Variants in CDHR2 observed in about 807,000 individuals in gnomAD.
CDHR2 encodes the protein cadherin-related family member 2.
Under a neutral mutation model 138.6 loss-of-function variants are expected in CDHR2, and 104 were observed. The observed-to-expected ratio is 0.75, with a 90% CI of 0.64 to 0.88. The LOEUF (loss-of-function observed/expected upper bound fraction) is 0.88. CDHR2 is among the 40% of genes least tolerant of loss of function. The probability of loss-of-function intolerance (pLI) is 0.00; values close to 1 mark genes in which losing one functional copy is unlikely to be tolerated. For missense variants in CDHR2, 1,624 were observed against 1,727.6 expected, an observed-to-expected ratio of 0.94 and a Z score of 1.06; for synonymous variants, 755 against 742.8, an observed-to-expected ratio of 1.02 and a Z score of -0.27.
intron 3 of CDHR2, among the ~76,000 whole-genome samples, chr5:176,566,315 T>C (rs1329807113): frequency 6.6e-6 from 1 of 152,150 alleles, no homozygotes; most frequent in Non-Finnish European, 1.5e-5. Context: ...GACATAGCAA[T>C]GGTCACGGCA....
intron 3 of CDHR2, among the ~76,000 whole-genome samples, chr5:176,568,274 G>A (rs568402528): frequency 2.0e-5 from 3 of 152,370 alleles, no homozygotes; most frequent in Admixed American, 6.5e-5. Context: ...ACTGGACACA[G>A]CTTTGGCTCA....
chr5:176,575,115 T>TC lies in CDHR2; in HGVS notation c.528dup (p.Phe177LeufsTer32). 2 of 1,614,188 alleles carry TC rather than the reference T, an allele frequency of 1.2e-6. No individual in the cohort carries two copies. The highest frequency in any genetic ancestry group is 8.5e-7 in the Non-Finnish European group (1 of 1,180,032). On this transcript the variant is annotated frameshift_variant, in exon 8 of 32. Coordinates refer to ENST00000261944, the MANE Select transcript of CDHR2 (RefSeq NM_017675.6). LOFTEE classifies it high-confidence loss of function. ...CCTAGCACTGGGGACAGCGAGCATC[T>TC]CTTCCGGATCCTGGCCAATGGCTCC...
In CDHR2 at chr5:176,584,615, G is replaced by C; in HGVS notation, c.2334G>C (p.Val778=). The change falls in exon 19 of 32, where the codon GTG becomes GTC. Residue 778 remains valine, a synonymous_variant. Transcript: ENST00000261944. ...YETQPVFNLT[V]SAENPDPQGG... is the part of the protein sequence containing the mutation. ...CACAGCCCGTCTTCAACTTGACAGT[G>C]AGTGCTGAGAACCCAGACCCCCAGG... The C allele has an allele frequency of 6.2e-7, 1 of 1,607,474 alleles. No individual in the cohort carries two copies. The highest frequency in any genetic ancestry group is 1.1e-5 in the South Asian group (1 of 90,664).
chr5:176,554,987 G>A (rs1427296618), intron 1 of CDHR2, among the ~76,000 whole-genome samples: 4 of 152,170 alleles, frequency 2.6e-5, no homozygotes, highest in African/African-American at 7.2e-5. Context: ...CGTAGTGCCC[G>A]GCTCAAGTTC....
intron 6 of CDHR2, 48 bp from the exon 7 acceptor site, chr5:176,574,035 G>T: frequency 7.1e-7 from 1 of 1,409,360 alleles, no homozygotes; most frequent in Non-Finnish European, 1.0e-6. Context: ...GGACAAGGGA[G>T]AGGAGGAGCT....
At chr5:176,547,942 C>T (rs1413210989), upstream of CDHR2, among the ~76,000 whole-genome samples, 3 of 152,160 alleles carry the variant, frequency 2.0e-5, no homozygotes, top group Non-Finnish European at 2.9e-5. Context: ...AACGGGGACA[C>T]CTTCTGGGAA....
Position 176,589,356 on chromosome 5 carries a change from T to C in CDHR2, c.3035T>C (p.Leu1012Pro). ...IQPVTSLDSTLQGTYQVTVQA... is the reference protein window; with the variant it reads ...IQPVTSLDSTPQGTYQVTVQA... ...CCGGTGACCAGCCTCGACTCCACTC[T>C]CCAAGGCACCTACCAAGTGACAGTC... Residue 1012 changes from leucine to proline, a missense_variant, in exon 23 of 32, where the codon CTC becomes CCC. Leu to Pro is a moderately conservative substitution (Grantham distance 98, BLOSUM62 -3). Around this residue, in one of 3 missense-constraint regions of CDHR2, gnomAD observed 556 missense variants for 565.7 expected, o/e 0.98. Transcript: ENST00000261944. 2 of 1,557,810 alleles carry C rather than the reference T, an allele frequency of 1.3e-6. No homozygotes were observed. Among genetic ancestry groups the C allele is most frequent in the Non-Finnish European group, 1.7e-6 (2 of 1,151,432 alleles).
upstream of CDHR2, chr5:176,547,678 GCAGCCTCCCAAGTAGCTGGGACTA>G (rs1192736994): frequency 6.6e-6 from 1 of 152,228 alleles, no homozygotes; most frequent in African/African-American, 2.4e-5. Context: ...TCCTACTGCT[GCAGCCTCCCAAGTAGCTGGGACTA>G]CAGGTGCACA....
At chr5:176,578,172 G>T in intron 15 of CDHR2, 77 bp downstream of exon 15, 1 of 1,411,412 alleles carries the variant, frequency 7.1e-7, no homozygotes, top group South Asian at 1.2e-5. Flanking sequence ...TGCAGAGATA[G>T]AATAGCTGGG....
At chr5:176,570,634 C>T (rs1431435825) in intron 5 of CDHR2, among the ~76,000 whole-genome samples, 1 of 152,230 alleles carries the variant, frequency 6.6e-6, no homozygotes, top group Non-Finnish European at 1.5e-5. Context: ...GCCACTGCGC[C>T]TGGCTGGCTG....
At chr5:176,557,075 G>C (rs1404768848) in intron 1 of CDHR2, among the ~76,000 whole-genome samples, 1 of 150,374 alleles carries the variant, frequency 6.7e-6, no homozygotes, top group African/African-American at 2.5e-5. Flanking sequence ...GAGTGCAGTG[G>C]GAAGGTCTTG....
In CDHR2 at chr5:176,589,125, A is replaced by C. The variant is rs753285900; in HGVS notation, c.2951A>C (p.Gln984Pro). ...AAGGACGGGGCCACCATCCCTTTCCAGGGTGTCTTCTCGATCTTCACCTCC... is the reference window on the plus strand; with the variant it reads ...AAGGACGGGGCCACCATCCCTTTCCCGGGTGTCTTCTCGATCTTCACCTCC... Reference protein sequence around the residue: ...ISKDGATIPFQGVFSIFTSSE... With the variant: ...ISKDGATIPFPGVFSIFTSSE... The change falls in exon 22 of 32, where the codon CAG becomes CCG. Residue 984 changes from glutamine to proline, a missense_variant. Around this residue, in one of 3 missense-constraint regions of CDHR2, gnomAD observed 556 missense variants for 565.7 expected, o/e 0.98. Coordinates refer to ENST00000261944, the MANE Select transcript of CDHR2 (RefSeq NM_017675.6). The C allele has an allele frequency of 8.1e-6, 13 of 1,613,952 alleles. No individual in the cohort carries two copies. Among genetic ancestry groups the C allele is most frequent in the Non-Finnish European group, 1.1e-5 (13 of 1,179,996 alleles).
At chr5:176,595,397 C>T in intron 31 of CDHR2, 135 bp from the exon 32 acceptor site, 2 of 956,982 alleles carry the variant, frequency 2.1e-6, no homozygotes, top group Non-Finnish European at 3.0e-6. Context: ...GGACCAGAGG[C>T]CCCAGGAGGG....
chr5:176,581,462 G>T lies in CDHR2; in HGVS notation c.1938G>T (p.Gly646=), dbSNP rs1037438552. ...DPDTGLLRNL[G]PLDREAIDPA... Reference sequence around the variant, plus strand: ...ACACAGGGCTCCTCAGAAACCTGGGGCCCCTGGACAGAGAGGCCATCGACC... The same window carrying T: ...ACACAGGGCTCCTCAGAAACCTGGGTCCCCTGGACAGAGAGGCCATCGACC... Residue 646 remains glycine, a synonymous_variant, in exon 17 of 32, where the codon GGG becomes GGT. Coordinates refer to ENST00000261944, the MANE Select transcript of CDHR2 (RefSeq NM_017675.6). 6 of 1,614,032 alleles carry T rather than the reference G, an allele frequency of 3.7e-6. No homozygotes were observed. The highest frequency in any genetic ancestry group is 5.1e-6 in the Non-Finnish European group (6 of 1,180,046).
Position 176,591,315 on chromosome 5 carries a change from C to T in CDHR2, c.3645C>T (p.Asn1215=). Residue 1215 remains asparagine (N), a synonymous_variant, in exon 29 of 32, where the codon AAC becomes AAT. Transcript: ENST00000261944. ...CCATCCCAGGGACTAACATGTACAA[C>T]ACTGAGCGGTGAGCAGGGGTCAAAG... is the stretch of plus-strand genomic sequence containing the variant. ...APAIPGTNMY[N]TERANPMLNL... 6.2e-7 allele frequency: 1 copy of T among 1,613,534 alleles called. No homozygotes were observed. The highest frequency in any genetic ancestry group is 8.5e-7 in the Non-Finnish European group (1 of 1,179,480).
intron 1 of CDHR2, among the ~76,000 whole-genome samples, chr5:176,564,558 T>G (rs1461088163): frequency 6.6e-6 from 1 of 152,146 alleles, no homozygotes; most frequent in East Asian, 1.9e-4. Flanking sequence ...GTCCCCCTTT[T>G]CTCCTTTTCC....
Position 176,592,360 on chromosome 5 carries a change from A to G in CDHR2, c.3735-363A>G, listed in dbSNP as rs530740861. ...GATGGTGGTGATGGTGATGGTAGTG[A>G]TGGTGATGGTGGTGGTGATGGTTAT... On this transcript the variant is annotated intron_variant, in intron 30 of 31. Coordinates refer to ENST00000261944, the MANE Select transcript of CDHR2 (RefSeq NM_017675.6). Among the ~76,000 whole-genome samples, 56 of 124,920 alleles carry G rather than the reference A, an allele frequency of 4.5e-4. 1 individual carries two copies. Among genetic ancestry groups the G allele is most frequent in the African/African-American group, 1.7e-3 (52 of 30,936 alleles). The allele number at this position is 124,920 out of a possible 152,430, so 82.0% of individuals were successfully genotyped here. A position where few individuals can be genotyped will look rare whatever the true frequency, so the allele number is the denominator to read the frequency against.
In CDHR2 at chr5:176,590,644, G is replaced by A. The variant is rs115224455; in HGVS notation, c.3496G>A (p.Val1166Ile). The change falls in exon 28 of 32, where the codon GTC becomes ATC. Residue 1166 changes from valine to isoleucine, a missense_variant. Val to Ile is a conservative substitution (Grantham distance 29, BLOSUM62 3). This residue lies in a region of CDHR2 where 556 missense variants were observed against 565.7 expected (regional missense o/e 0.98). Transcript: ENST00000261944. ...AGGATTGGGAGTGGCTTTGCTGCTGGTCCTTGTGATCATGACCATGGCCTT... is the reference window on the plus strand; with the variant it reads ...AGGATTGGGAGTGGCTTTGCTGCTGATCCTTGTGATCATGACCATGGCCTT... ...IIGLGVALLL[V>I]LVIMTMAFVC... 6 of 1,613,738 alleles carry A rather than the reference G, an allele frequency of 3.7e-6. No homozygotes were observed. In the African/African-American group the frequency reaches 6.7e-5, roughly 18 times the overall value.
At chr5:176,588,653 CAG>C (rs1491410731) in intron 21 of CDHR2, among the ~76,000 whole-genome samples, 2 of 127,432 alleles carry the variant, frequency 1.6e-5, no homozygotes, top group Non-Finnish European at 3.3e-5. Context: ...GTGAGTGGGA[CAG>C]TGTGTGAGAG....
Sources: gnomAD v4.1 joint callset for allele counts (sites outside exome capture counted in the v4.1 genomes callset) on GRCh38, gnomAD v4.1.1 for gene constraint, gnomAD v4.1.1 regional missense constraint, MANE v1.5 for transcripts, NCBI Gene and HGNC (gene_info 2026-07-23, HGNC 2026-07-21) for gene names.